RPH3A: variants seen among roughly 807,000 people sequenced by gnomAD.
The protein encoded by RPH3A is rabphilin 3A.
A neutral mutation model predicts 102.2 loss-of-function variants in RPH3A; 48 were observed. The ratio of observed to expected loss-of-function variants is 0.47; its 90% confidence interval spans 0.37 to 0.60. The LOEUF is 0.60. Ranked by LOEUF, RPH3A falls within the 20% of genes least tolerant of loss-of-function variation. RPH3A has a pLI of 0.00. For missense variants in RPH3A, 781 were observed against 910.1 expected (o/e 0.86, Z 1.83); for synonymous variants, 310 against 324.3 (o/e 0.96, Z 0.47).
intron 1 of RPH3A, among the ~76,000 whole-genome samples, chr12:112,607,610 A>G (rs2039606483): frequency 6.6e-6 from 1 of 152,348 alleles, no homozygotes; most frequent in African/African-American, 2.4e-5. Context: ...TTAATCACCT[A>G]CCTGAATTTG....
chr12:112,882,305 C>T (rs776219199), intron 15 of RPH3A, among the ~76,000 whole-genome samples: 2 of 152,156 alleles, frequency 1.3e-5, no homozygotes, highest in African/African-American at 4.8e-5. Flanking sequence ...CTTCTCTCCC[C>T]TCAAGCTCAC....
chr12:112,762,737 A>G (rs1282224927), intron 1 of RPH3A, among the ~76,000 whole-genome samples: 1 of 152,146 alleles, frequency 6.6e-6, no homozygotes, highest in Non-Finnish European at 1.5e-5. Context: ...CATTCTTGCT[A>G]GGGGCAAGGT....
intron 1 of RPH3A, among the ~76,000 whole-genome samples, chr12:112,636,991 C>T (rs2039853291): frequency 1.3e-5 from 2 of 152,180 alleles, no homozygotes; most frequent in Admixed American, 1.3e-4. Context: ...AGACTGTCCA[C>T]CCCACTTTGT....
At chr12:112,783,483 A>G (rs947046872) in intron 1 of RPH3A, among the ~76,000 whole-genome samples, 1 of 151,660 alleles carries the variant, frequency 6.6e-6, no homozygotes, top group African/African-American at 2.4e-5. Flanking sequence ...CTATATCTCC[A>G]CTGGCCGGTA....
At chr12:112,739,185 G>A (rs2040690364) in intron 1 of RPH3A, among the ~76,000 whole-genome samples, 1 of 152,220 alleles carries the variant, frequency 6.6e-6, no homozygotes, top group African/African-American at 2.4e-5. Flanking sequence ...CACCCAGCTT[G>A]TAAGTGAAGT....
At position 112,712,925 on chromosome 12, in the gene RPH3A, C is replaced by CTCTTATTCTTCTTCT. The variant is rs59408440; in HGVS notation, c.-139-79214_-139-79213insATTCTTCTTCTTCTT. 1.3e-4 allele frequency among the ~76,000 whole-genome samples: 12 copies of CTCTTATTCTTCTTCT among 94,572 alleles called. No homozygotes were observed. The East Asian group carries it at 3.5e-3, about 28-fold the overall frequency. 62.0% of individuals were successfully genotyped at this position (94,572 alleles called of 152,430 possible). On this transcript the variant is annotated intron_variant, in intron 1 of 21. Transcript: ENST00000543106. Reference sequence around the variant, plus strand: ...CTTCCTCTTCTTCTTCTTCTTCTTCCTCTTCTTCTTCTTCTTCTTCTTCTT... The same window carrying CTCTTATTCTTCTTCT: ...CTTCCTCTTCTTCTTCTTCTTCTTCCTCTTATTCTTCTTCTTCTTCTTCTTCTTCTTCTTCTTCTT...
At chr12:112,851,749 G>A (rs2042326788) in intron 5 of RPH3A, among the ~76,000 whole-genome samples, 1 of 152,148 alleles carries the variant, frequency 6.6e-6, no homozygotes, top group South Asian at 2.1e-4. Context: ...TCCCAGGAGG[G>A]AGAGAGGATG....
At chr12:112,807,188 A>T (rs143864469) in intron 2 of RPH3A, among the ~76,000 whole-genome samples, 54 of 152,058 alleles carry the variant, frequency 3.6e-4, no homozygotes, top group Non-Finnish European at 6.3e-4. Context: ...ACCTGATGTG[A>T]TCCATATTTT....
chr12:112,826,423 A>ATAAC (rs1340450851), intron 2 of RPH3A, among the ~76,000 whole-genome samples: 1 of 152,174 alleles, frequency 6.6e-6, no homozygotes, highest in Non-Finnish European at 1.5e-5. Context: ...AAAGAGTGAC[A>ATAAC]TAACTGACTT....
At chr12:112,876,451 C>A (rs536268373) in intron 12 of RPH3A, among the ~76,000 whole-genome samples, 191 bp from the exon 13 acceptor site, 1 of 152,170 alleles carries the variant, frequency 6.6e-6, no homozygotes, top group Admixed American at 6.5e-5. Context: ...TTTGTACCCC[C>A]ACAAGGTCTG....
chr12:112,876,409 G>A (rs1017062470), intron 12 of RPH3A, among the ~76,000 whole-genome samples: 6 of 152,136 alleles, frequency 3.9e-5, no homozygotes, highest in Non-Finnish European at 5.9e-5. Flanking sequence ...TTCAAACCCA[G>A]GCTGTCTGGG....
At chr12:112,667,272 C>T (rs1363597944) in intron 1 of RPH3A, among the ~76,000 whole-genome samples, 1 of 152,152 alleles carries the variant, frequency 6.6e-6, no homozygotes, top group Non-Finnish European at 1.5e-5. Context: ...CCCTGTGGTG[C>T]CAAATGGTAT....
chr12:112,894,071 C>T (rs1229802303), intron 19 of RPH3A: 2 of 160,658 alleles, frequency 1.2e-5, no homozygotes, highest in Admixed American at 1.3e-4. Flanking sequence ...GAACCCAGTA[C>T]ACAGTTTTGA....
At chr12:112,626,976 G>A (rs1397004837) in intron 1 of RPH3A, among the ~76,000 whole-genome samples, 6 of 96,424 alleles carry the variant, frequency 6.2e-5, no homozygotes, top group Non-Finnish European at 1.0e-4. Context: ...ACCAAACACC[G>A]CATATTCTCA....
chr12:112,699,009 C>T (rs938925559), intron 1 of RPH3A, among the ~76,000 whole-genome samples: 9 of 151,836 alleles, frequency 5.9e-5, no homozygotes, highest in African/African-American at 2.2e-4. Context: ...CAGCCTTGAC[C>T]TCCTGGACTC....
chr12:112,638,101 G>C (rs1403549155), intron 1 of RPH3A, among the ~76,000 whole-genome samples: 1 of 152,072 alleles, frequency 6.6e-6, no homozygotes, highest in African/African-American at 2.4e-5. Flanking sequence ...GAGTAAGTGA[G>C]TTCCCTCTTA....
chr12:112,838,546 C>T (rs923854876), intron 4 of RPH3A, among the ~76,000 whole-genome samples: 2 of 152,120 alleles, frequency 1.3e-5, no homozygotes, highest in Non-Finnish European at 1.5e-5. Context: ...CAGACACCTG[C>T]CCATGTTGGC....
chr12:112,649,064 C>T lies in RPH3A; in HGVS notation c.-140+73745C>T, dbSNP rs114600407. On this transcript the variant is annotated intron_variant, in intron 1 of 21. Coordinates refer to the RPH3A transcript ENST00000543106. ...AAACTCCTGGCCTCAAGGCCCACCT[C>T]GGCCTTGCAAAGTGCTGAGATTACA... Among the ~76,000 whole-genome samples, 986 of 152,346 alleles carry T rather than the reference C, an allele frequency of 6.5e-3. 17 individuals are homozygous for T. The highest frequency in any genetic ancestry group is 0.023 in the African/African-American group (955 of 41,580).
intron 12 of RPH3A, among the ~76,000 whole-genome samples, 185 bp from the exon 13 acceptor site, chr12:112,876,457 G>T (rs548191057): frequency 1.3e-5 from 2 of 152,122 alleles, no homozygotes; most frequent in African/African-American, 4.8e-5. Context: ...CCCCCACAAG[G>T]TCTGTTTTGC....
Sources: gnomAD v4.1 joint callset for allele counts (sites outside exome capture counted in the v4.1 genomes callset) on GRCh38, gnomAD v4.1.1 for gene constraint, MANE v1.5 for transcripts, NCBI Gene and HGNC (gene_info 2026-07-23, HGNC 2026-07-21) for gene names.